The following RCSD1 variants were observed in gnomAD, a reference collection of about 807,000 sequenced individuals.
RCSD1 encodes the protein capZ-interacting protein.
A neutral mutation model predicts 42.5 loss-of-function variants in RCSD1; 26 were observed. The ratio of observed to expected loss-of-function variants is 0.61; its 90% CI spans 0.45 to 0.85. The LOEUF (loss-of-function observed/expected upper bound fraction) is 0.85, where lower values mean the gene tolerates loss of function less well. Ranked by LOEUF, RCSD1 falls within the 40% of genes least tolerant of loss-of-function variation. The pLI, the probability that RCSD1 is intolerant of heterozygous loss-of-function variation, is 0.00. For synonymous variants in RCSD1, 220 were observed against 212.2 expected (o/e 1.04, Z -0.32); for missense variants, 571 against 528.3 (o/e 1.08, Z -0.79).
intron 1 of RCSD1, among the ~76,000 whole-genome samples, chr1:167,658,869 G>C (rs1397912163): frequency 6.6e-6 from 1 of 151,976 alleles, no homozygotes; most frequent in African/African-American, 2.4e-5. Context: ...CCATGGCTGT[G>C]TACGCTAGCA....
intron 1 of RCSD1, among the ~76,000 whole-genome samples, chr1:167,644,221 T>C (rs1658073846): frequency 6.6e-6 from 1 of 152,184 alleles, no homozygotes; most frequent in South Asian, 2.1e-4. Context: ...GGCTCACGTC[T>C]GTAATTTCAG....
At chr1:167,631,880 G>A (rs1474878774) in intron 1 of RCSD1, among the ~76,000 whole-genome samples, 1 of 152,226 alleles carries the variant, frequency 6.6e-6, no homozygotes, top group Non-Finnish European at 1.5e-5. Flanking sequence ...AGAGAAGTCA[G>A]GGAGCTATAT....
rs149207946 is a variant in RCSD1 at position 167,705,135 on chromosome 1, T to A, written c.*439T>A. On this transcript the variant is annotated 3_prime_UTR_variant, in exon 7 of 7. Coordinates refer to ENST00000367854, the MANE Select transcript of RCSD1 (RefSeq NM_052862.4). ...TGGGTAAAGTTCCTTTTTAATGTTC[T>A]AAAGTGTTTACGGTTCTCAAATATC... The A allele has an allele frequency of 8.2e-3, 1,289 of 156,754 alleles. 19 individuals carry two copies. The highest frequency in any genetic ancestry group is 0.027 in the African/African-American group (1,124 of 41,642). The allele number at this position is 156,754 out of a possible 1,614,324, so 9.7% of individuals were successfully genotyped here. A position where few individuals can be genotyped will look rare whatever the true frequency, so the allele number is the denominator to read the frequency against.
At chr1:167,670,490 C>T (rs1016236184) in intron 1 of RCSD1, among the ~76,000 whole-genome samples, 1 of 152,104 alleles carries the variant, frequency 6.6e-6, no homozygotes, top group South Asian at 2.1e-4. Flanking sequence ...TTGTGTGTAA[C>T]CCCCTGAGGC....
chr1:167,676,603 C>G (rs1286095702), intron 1 of RCSD1, among the ~76,000 whole-genome samples: 1 of 152,154 alleles, frequency 6.6e-6, no homozygotes, highest in Non-Finnish European at 1.5e-5. Context: ...ACAAATTTCC[C>G]ACCATCATCT....
intron 1 of RCSD1, among the ~76,000 whole-genome samples, chr1:167,683,053 A>G (rs1659122945): frequency 6.6e-6 from 1 of 152,230 alleles, no homozygotes; most frequent in Non-Finnish European, 1.5e-5. Context: ...CAAATGGTAC[A>G]TGAGAATAAA....
At chr1:167,635,307 C>T (rs1345645537) in intron 1 of RCSD1, among the ~76,000 whole-genome samples, 1 of 152,136 alleles carries the variant, frequency 6.6e-6, no homozygotes, top group African/African-American at 2.4e-5. Flanking sequence ...CCAAATACCC[C>T]ACATTCCTCT....
At position 167,642,119 on chromosome 1, in the gene RCSD1, T is replaced by G. The variant is rs1286357058; in HGVS notation, c.6+11690T>G. On this transcript the variant is annotated intron_variant, in intron 1 of 6. Coordinates refer to ENST00000367854, the MANE Select transcript of RCSD1 (RefSeq NM_052862.4). The stretch of plus-strand genomic sequence containing the variant: ...CTCTCTTTTGGAAGGTTCCTAACTA[T>G]CCACATGGCTCCAATTAACCATAGG... 2.0e-5 allele frequency: 3 copies of G among 152,302 alleles called. No individual in the cohort carries two copies. The East Asian group carries it at 5.8e-4, about 29-fold the overall frequency. The allele number at this position is 152,302 out of a possible 1,614,324, so 9.4% of individuals were successfully genotyped here. A position where few individuals can be genotyped will look rare whatever the true frequency, so the allele number is the denominator to read the frequency against.
intron 4 of RCSD1, among the ~76,000 whole-genome samples, chr1:167,692,626 G>A (rs1659402715): frequency 6.6e-6 from 1 of 152,044 alleles, no homozygotes; most frequent in African/African-American, 2.4e-5. Context: ...CTCCTGTGTA[G>A]CAGGGATTAC....
intron 1 of RCSD1, among the ~76,000 whole-genome samples, chr1:167,670,457 A>T (rs373099121): frequency 6.6e-6 from 1 of 151,998 alleles, no homozygotes; most frequent in East Asian, 1.9e-4. Flanking sequence ...CTGGTGGGAA[A>T]AGGAAAGAGA....
chr1:167,695,620 C>A (rs1659480840), intron 5 of RCSD1, among the ~76,000 whole-genome samples: 1 of 150,946 alleles, frequency 6.6e-6, no homozygotes, highest in South Asian at 2.1e-4. Flanking sequence ...CTCATCGCAA[C>A]CCCCACCTCC....
intron 1 of RCSD1, chr1:167,638,282 G>T (rs1195191001): frequency 6.6e-6 from 1 of 152,186 alleles, no homozygotes; most frequent in East Asian, 1.9e-4. Context: ...GAGACCTAAA[G>T]CTTGTTGTCA....
intron 1 of RCSD1, among the ~76,000 whole-genome samples, chr1:167,647,929 T>C (rs914297914): frequency 1.3e-5 from 2 of 152,078 alleles, no homozygotes; most frequent in African/African-American, 4.8e-5. Context: ...TTTCTTTTTC[T>C]TTTTTTTGTT....
At chr1:167,675,220 A>G (rs1444611126) in intron 1 of RCSD1, among the ~76,000 whole-genome samples, 3 of 150,982 alleles carry the variant, frequency 2.0e-5, no homozygotes, top group Admixed American at 2.0e-4. Flanking sequence ...AAAAAAAAAA[A>G]AAAAAAAAAA....
At position 167,659,012 on chromosome 1, in the gene RCSD1, A is replaced by G. The variant is rs1252178937; in HGVS notation, c.7-24888A>G. ...TCACATTTACTCCAGCAATATATCA[A>G]TATATGAGGGTTCCTTATCTCCATT... On this transcript the variant is annotated intron_variant, in intron 1 of 6. Transcript: ENST00000367854. Among the ~76,000 whole-genome samples, 11 of 152,252 alleles carry G rather than the reference A, an allele frequency of 7.2e-5. No individual in the cohort carries two copies. The East Asian group carries it at 1.9e-3, about 27-fold the overall frequency.
intron 1 of RCSD1, among the ~76,000 whole-genome samples, chr1:167,671,998 C>A (rs1185679011): frequency 1.3e-5 from 2 of 152,154 alleles, no homozygotes; most frequent in East Asian, 3.9e-4. Flanking sequence ...GTGCCTCTGG[C>A]CAGGTTGTGT....
chr1:167,657,973 G>A (rs1293304740), intron 1 of RCSD1, among the ~76,000 whole-genome samples: 6 of 151,776 alleles, frequency 4.0e-5, no homozygotes, highest in African/African-American at 1.5e-4. Flanking sequence ...TGTCACCCAG[G>A]CTGGAGTGCA....
chr1:167,676,948 G>A (rs1466313625), intron 1 of RCSD1, among the ~76,000 whole-genome samples: 7 of 152,252 alleles, frequency 4.6e-5, no homozygotes, highest in Non-Finnish European at 8.8e-5. Context: ...ATGCCTGCGT[G>A]TGGGTCCTTT....
At chr1:167,689,819 G>A (rs760412733) in intron 3 of RCSD1, among the ~76,000 whole-genome samples, 7 of 152,156 alleles carry the variant, frequency 4.6e-5, no homozygotes, top group Non-Finnish European at 8.8e-5. Context: ...TAAGGATGTC[G>A]GCGCTGACTT....
Sources: allele counts gnomAD v4.1 joint callset (sites outside exome capture counted in the v4.1 genomes callset), GRCh38; gene constraint gnomAD v4.1.1; transcripts MANE v1.5; gene names NCBI Gene and HGNC (gene_info 2026-07-23, HGNC 2026-07-21).